Variants in TNFSF4 observed in about 807,000 individuals in gnomAD.
TNFSF4 encodes the protein tumor necrosis factor ligand superfamily member 4.
In TNFSF4, 4 loss-of-function variants were observed where a neutral mutation model predicts 7.3. That is an observed-to-expected ratio of 0.55 (90% CI 0.27 to 1.25). The LOEUF (loss-of-function observed/expected upper bound fraction) is 1.25. Ranked by LOEUF, TNFSF4 falls within the 50% of genes most tolerant of loss-of-function variation. TNFSF4 has a pLI of 0.12. For synonymous variants in TNFSF4, 76 were observed against 83.7 expected (o/e 0.91, Z 0.50); for missense variants, 181 against 208.8 (o/e 0.87, Z 0.82).
At chr1:173,357,318 T>C in the TNFSF4 span, among the ~76,000 whole-genome samples, 3 of 152,076 alleles carry the variant, frequency 2.0e-5, no homozygotes, top group Non-Finnish European at 4.4e-5. Flanking sequence ...GGACACAAGA[T>C]CACAAGAGAA....
chr1:173,257,083 C>T, the TNFSF4 span, among the ~76,000 whole-genome samples: 3 of 152,364 alleles, frequency 2.0e-5, no homozygotes, highest in East Asian at 5.8e-4. Flanking sequence ...CCAGATCTCC[C>T]TCTCACGTGG....
chr1:173,262,679 T>G, the TNFSF4 span, among the ~76,000 whole-genome samples: 2 of 144,414 alleles, frequency 1.4e-5, no homozygotes, highest in African/African-American at 5.1e-5. Context: ...CTCGGCTCAC[T>G]GCAAGCTCTG....
chr1:173,181,552 C>T (rs1012540963), downstream of TNFSF4, among the ~76,000 whole-genome samples: 14 of 152,144 alleles, frequency 9.2e-5, no homozygotes, highest in Admixed American at 2.6e-4. Context: ...TAAAATCATG[C>T]CCCATGAGAC....
At chr1:173,435,681 A>G in the TNFSF4 span, among the ~76,000 whole-genome samples, 1 of 152,260 alleles carries the variant, frequency 6.6e-6, no homozygotes, top group Admixed American at 6.5e-5. Context: ...CTAATACAGT[A>G]TGCAATCAAT....
chr1:173,332,432 G>A, the TNFSF4 span, among the ~76,000 whole-genome samples: 2 of 152,236 alleles, frequency 1.3e-5, no homozygotes, highest in African/African-American at 4.8e-5. Flanking sequence ...TCAGGAGGCT[G>A]AGGCAGGAGA....
intron 1 of TNFSF4, among the ~76,000 whole-genome samples, chr1:173,203,060 C>G (rs1413198784): frequency 6.6e-6 from 1 of 152,140 alleles, no homozygotes. Context: ...CAAAAACCTT[C>G]TCCAATGGAT....
At chr1:173,364,675 A>T in the TNFSF4 span, among the ~76,000 whole-genome samples, 1 of 152,076 alleles carries the variant, frequency 6.6e-6, no homozygotes, top group East Asian at 1.9e-4. Context: ...TAAACTAATT[A>T]TATCACTTTA....
At chr1:173,323,195 AG>A in the TNFSF4 span, among the ~76,000 whole-genome samples, 1 of 152,208 alleles carries the variant, frequency 6.6e-6, no homozygotes, top group South Asian at 2.1e-4. Flanking sequence ...AAACTTCCAG[AG>A]GAACGATCAG....
chr1:173,436,408 ATTTTG>A, the TNFSF4 span, among the ~76,000 whole-genome samples: 7 of 151,996 alleles, frequency 4.6e-5, no homozygotes, highest in Admixed American at 2.0e-4. Context: ...GAGGGCTACC[ATTTTG>A]TTTTGTTTTG....
chr1:173,226,715 C>T, the TNFSF4 span, among the ~76,000 whole-genome samples: 1 of 152,170 alleles, frequency 6.6e-6, no homozygotes, highest in African/African-American at 2.4e-5. Flanking sequence ...GCTATCATCT[C>T]GACTAATTCA....
chr1:173,190,562 G>A (rs1649434551), intron 1 of TNFSF4, among the ~76,000 whole-genome samples: 1 of 152,210 alleles, frequency 6.6e-6, no homozygotes, highest in South Asian at 2.1e-4. Flanking sequence ...GCACTGACTT[G>A]GGTAGAAGCA....
the TNFSF4 span, among the ~76,000 whole-genome samples, chr1:173,386,155 T>A: frequency 6.6e-6 from 1 of 152,042 alleles, no homozygotes; most frequent in South Asian, 2.1e-4. Context: ...GGGCCCAGGG[T>A]GCCTCTGGGG....
the TNFSF4 span, among the ~76,000 whole-genome samples, chr1:173,318,393 C>A: frequency 6.6e-6 from 1 of 152,190 alleles, no homozygotes; most frequent in Non-Finnish European, 1.5e-5. Context: ...AAAACTCATT[C>A]TCTCCTTCTT....
the TNFSF4 span, among the ~76,000 whole-genome samples, chr1:173,265,581 C>A: frequency 6.6e-6 from 1 of 152,108 alleles, no homozygotes; most frequent in South Asian, 2.1e-4. Context: ...AGAAAAGTTA[C>A]TTTTTTGGTC....
the TNFSF4 span, among the ~76,000 whole-genome samples, chr1:173,388,543 A>G: frequency 1.3e-5 from 2 of 152,220 alleles, no homozygotes; most frequent in Admixed American, 6.5e-5. Flanking sequence ...AATTGTCTCA[A>G]AATTGCACAA....
At chr1:173,344,783 CT>C in the TNFSF4 span, among the ~76,000 whole-genome samples, 3 of 152,172 alleles carry the variant, frequency 2.0e-5, no homozygotes, top group Non-Finnish European at 4.4e-5. Flanking sequence ...TACCAAATTA[CT>C]TTTTATATTC....
the TNFSF4 span, among the ~76,000 whole-genome samples, chr1:173,344,318 A>T: frequency 6.6e-6 from 1 of 152,200 alleles, no homozygotes; most frequent in Non-Finnish European, 1.5e-5. Context: ...GGGAAAGTGT[A>T]AGAGCTTTAA....
At chr1:173,239,988 G>A in the TNFSF4 span, among the ~76,000 whole-genome samples, 4 of 151,940 alleles carry the variant, frequency 2.6e-5, no homozygotes, top group Admixed American at 6.6e-5. Context: ...CAGACATCAC[G>A]CCACTGTACT....
chr1:173,339,587 C>T, the TNFSF4 span, among the ~76,000 whole-genome samples: 1 of 151,962 alleles, frequency 6.6e-6, no homozygotes, highest in African/African-American at 2.4e-5. Context: ...ATTTTCTTCC[C>T]TCTCTTATTC....
Sources: gnomAD v4.1 joint callset for allele counts (sites outside exome capture counted in the v4.1 genomes callset) on GRCh38, gnomAD v4.1.1 for gene constraint, MANE v1.5 for transcripts, NCBI Gene and HGNC (gene_info 2026-07-23, HGNC 2026-07-21) for gene names.